PCDH9: variants seen among roughly 807,000 people sequenced by gnomAD.
PCDH9 encodes protocadherin 9.
Under a neutral mutation model 70.6 loss-of-function variants are expected in PCDH9, and 24 were observed. The ratio of observed to expected loss-of-function variants is 0.34; its 90% CI spans 0.25 to 0.48. The LOEUF (loss-of-function observed/expected upper bound fraction) is 0.48, where lower values mean the gene tolerates loss of function less well. Among genes scored for constraint, PCDH9 ranks in the 20% least tolerant of loss-of-function variants. PCDH9 has a pLI of 0.99. For missense variants in PCDH9, 1,281 were observed against 1,503.6 expected, an observed-to-expected ratio of 0.85 and a Z score of 2.45; for synonymous variants, 562 against 558.5, an observed-to-expected ratio of 1.01 and a Z score of -0.09.
chr13:67,130,008 ACTTTT>A (rs2087072953), intron 2 of PCDH9, among the ~76,000 whole-genome samples: 1 of 152,174 alleles, frequency 6.6e-6, no homozygotes, highest in African/African-American at 2.4e-5. Flanking sequence ...ATAGCAATAG[ACTTTT>A]CTTTTAGGAA....
chr13:66,999,051 A>G (rs1439821695), intron 2 of PCDH9, among the ~76,000 whole-genome samples: 2 of 152,198 alleles, frequency 1.3e-5, no homozygotes, highest in Non-Finnish European at 2.9e-5. Flanking sequence ...TCCTGTAATA[A>G]CAGCCATTTC....
chr13:67,136,642 G>A (rs73509458), intron 2 of PCDH9, among the ~76,000 whole-genome samples: 1,790 of 152,054 alleles, frequency 0.012, 30 homozygotes, highest in African/African-American at 0.041. Context: ...CAGATATTAT[G>A]GTCTAATCTC....
chr13:67,067,460 T>C lies in PCDH9; in HGVS notation c.3036+157945A>G, dbSNP rs543345673. The stretch of plus-strand genomic sequence containing the variant: ...TGAATTACTTAGAGACCATCTCAAT[T>C]TGGACTCGTCAAATTTCAATGCTTA... On this transcript the variant is annotated intron_variant, in intron 2 of 4. Transcript: ENST00000377865. Among the ~76,000 whole-genome samples, 8 of 152,160 alleles carry C rather than the reference T, an allele frequency of 5.3e-5. No homozygotes were observed. The East Asian group carries it at 1.5e-3, about 29-fold the overall frequency.
chr13:66,861,117 C>A (rs1022922177), intron 3 of PCDH9, among the ~76,000 whole-genome samples: 1 of 152,150 alleles, frequency 6.6e-6, no homozygotes, highest in African/African-American at 2.4e-5. Context: ...AGAAGAGGTA[C>A]CTCTAGTGTA....
At chr13:66,816,327 C>T (rs1275213779) in intron 3 of PCDH9, among the ~76,000 whole-genome samples, 1 of 152,046 alleles carries the variant, frequency 6.6e-6, no homozygotes, top group African/African-American at 2.4e-5. Context: ...ATGAAACAAA[C>T]ACACTAAAGC....
chr13:66,367,273 G>A (rs1371827299), intron 4 of PCDH9, among the ~76,000 whole-genome samples: 1 of 152,012 alleles, frequency 6.6e-6, no homozygotes, highest in Non-Finnish European at 1.5e-5. Context: ...CTAATAGGGA[G>A]AGTCATTTTA....
chr13:66,437,662 C>G (rs1224049984), intron 4 of PCDH9, among the ~76,000 whole-genome samples: 1 of 152,030 alleles, frequency 6.6e-6, no homozygotes, highest in Non-Finnish European at 1.5e-5. Context: ...GAGGATGTGG[C>G]ACACTCAGAA....
chr13:66,738,717 A>C (rs4053709), intron 3 of PCDH9, among the ~76,000 whole-genome samples: 137,204 of 150,200 alleles, frequency 0.91, 63,962 homozygotes, highest in East Asian at 1. Flanking sequence ...GGAGCCGATG[A>C]GATCAACTGG....
chr13:67,085,858 T>C (rs1278346431), intron 2 of PCDH9, among the ~76,000 whole-genome samples: 1 of 152,200 alleles, frequency 6.6e-6, no homozygotes, highest in Non-Finnish European at 1.5e-5. Context: ...TTAACATGAA[T>C]GAATTCCCTA....
chr13:66,858,548 T>C (rs966395942), intron 3 of PCDH9, among the ~76,000 whole-genome samples: 22 of 152,266 alleles, frequency 1.4e-4, no homozygotes, highest in African/African-American at 4.6e-4. Context: ...GTGTAGAATT[T>C]CCTAGCTTCT....
At chr13:66,946,550 C>T (rs1035576635) in intron 2 of PCDH9, among the ~76,000 whole-genome samples, 1 of 151,902 alleles carries the variant, frequency 6.6e-6, no homozygotes, top group Admixed American at 6.6e-5. Flanking sequence ...ATGGTACATA[C>T]TATGGTACTA....
chr13:66,331,268 CA>C (rs1430020646), intron 4 of PCDH9, among the ~76,000 whole-genome samples: 3 of 152,096 alleles, frequency 2.0e-5, no homozygotes, highest in Non-Finnish European at 4.4e-5. Context: ...GGAGACTTTT[CA>C]AATTACAGTC....
chr13:66,796,085 G>A (rs1442002), intron 3 of PCDH9, among the ~76,000 whole-genome samples: 144,882 of 152,216 alleles, frequency 0.95, 69,400 homozygotes, highest in East Asian at 1. Context: ...TGATATTTCC[G>A]TAAAAATTAG....
At chr13:67,048,929 TTACAAC>T in intron 2 of PCDH9, among the ~76,000 whole-genome samples, 1 of 152,164 alleles carries the variant, frequency 6.6e-6, no homozygotes, top group Non-Finnish European at 1.5e-5. Flanking sequence ...CTGGAAGACA[TTACAAC>T]ACTGAAATAC....
rs567408761 is a variant in PCDH9, at chr13:66,545,570, C to A, written c.3340+85640G>T. Among the ~76,000 whole-genome samples the A allele has an allele frequency of 2.6e-5, 4 of 152,210 alleles. No individual in the cohort carries two copies. The East Asian group carries it at 7.7e-4, about 29-fold the overall frequency. On this transcript the variant is annotated intron_variant, in intron 4 of 4. Transcript: ENST00000377865. ...CAGACCACGTCTATAACTATGGTCT[C>A]ATAACATTACAATGGCACTTGAAAA...
intron 4 of PCDH9, among the ~76,000 whole-genome samples, chr13:66,373,569 C>A (rs1046938748): frequency 6.6e-6 from 1 of 151,476 alleles, no homozygotes; most frequent in Non-Finnish European, 1.5e-5. Context: ...AAGAAAGAAC[C>A]ACAGATACAC....
chr13:66,887,250 T>C (rs1221137837), intron 3 of PCDH9, among the ~76,000 whole-genome samples: 1 of 152,070 alleles, frequency 6.6e-6, no homozygotes, highest in African/African-American at 2.4e-5. Flanking sequence ...AGCTTCAGTA[T>C]CATTAGTGGG....
chr13:66,548,243 T>A (rs1788974924), intron 4 of PCDH9, among the ~76,000 whole-genome samples: 1 of 152,032 alleles, frequency 6.6e-6, no homozygotes, highest in Non-Finnish European at 1.5e-5. Flanking sequence ...AAGTGCAAAT[T>A]TTTTTCTTAT....
intron 2 of PCDH9, among the ~76,000 whole-genome samples, chr13:67,125,605 A>G (rs1451662393): frequency 1.3e-5 from 2 of 152,202 alleles, no homozygotes; most frequent in Non-Finnish European, 2.9e-5. Flanking sequence ...TCTGTTATCA[A>G]TAAATATCAC....
Sources: gnomAD v4.1 joint callset for allele counts (sites outside exome capture counted in the v4.1 genomes callset) on GRCh38, gnomAD v4.1.1 for gene constraint, MANE v1.5 for transcripts, NCBI Gene and HGNC (gene_info 2026-07-23, HGNC 2026-07-21) for gene names.